Variants in RBFOX1 observed in about 807,000 individuals in gnomAD.
RBFOX1 encodes the protein RNA binding protein fox-1 homolog 1.
RBFOX1 carries 8 observed loss-of-function variants against 57.7 expected under a neutral mutation model. That is an observed-to-expected ratio of 0.14 (90% CI 0.08 to 0.25). The LOEUF (loss-of-function observed/expected upper bound fraction) is 0.25. Ranked by LOEUF, RBFOX1 falls within the 10% of genes least tolerant of loss-of-function variation. The probability of loss-of-function intolerance (pLI) is 1.00; values close to 1 mark genes in which losing one functional copy is unlikely to be tolerated. For missense variants in RBFOX1, 611 were observed against 548.5 expected, an observed-to-expected ratio of 1.11 and a Z score of -1.14; for synonymous variants, 326 against 222.4, an observed-to-expected ratio of 1.47 and a Z score of -4.15.
At chr16:7,394,427 CCT>C (rs956085999) in intron 4 of RBFOX1, among the ~76,000 whole-genome samples, 3 of 152,028 alleles carry the variant, frequency 2.0e-5, no homozygotes, top group African/African-American at 7.2e-5. Context: ...GCTTACCTCC[CCT>C]AATGGCCATA....
At chr16:5,990,757 C>G (rs916118871) in intron 4 of RBFOX1, among the ~76,000 whole-genome samples, 2 of 152,164 alleles carry the variant, frequency 1.3e-5, no homozygotes, top group African/African-American at 4.8e-5. Flanking sequence ...CGCTGGAGGT[C>G]AGGAGTTCAA....
intron 4 of RBFOX1, among the ~76,000 whole-genome samples, chr16:7,359,102 CTG>C (rs1178371859): frequency 6.6e-6 from 1 of 152,136 alleles, no homozygotes; most frequent in East Asian, 1.9e-4. Flanking sequence ...GTACAGAAAA[CTG>C]TGGGTGAGTT....
intron 3 of RBFOX1, among the ~76,000 whole-genome samples, chr16:6,660,148 T>C (rs1434897171): frequency 6.6e-6 from 1 of 150,762 alleles, no homozygotes; most frequent in African/African-American, 2.4e-5. Flanking sequence ...TGCTTGAACC[T>C]GGGAGGCAGA....
At chr16:7,340,471 A>C (rs994770217) in intron 4 of RBFOX1, among the ~76,000 whole-genome samples, 1 of 152,188 alleles carries the variant, frequency 6.6e-6, no homozygotes, top group Non-Finnish European at 1.5e-5. Flanking sequence ...TCTCCGTTGC[A>C]CTAATTACAG....
At chr16:6,408,429 A>C (rs934680143) in intron 2 of RBFOX1, among the ~76,000 whole-genome samples, 38 of 152,100 alleles carry the variant, frequency 2.5e-4, no homozygotes, top group African/African-American at 8.7e-4. Context: ...ATAGACTGAA[A>C]TTTTCATCAG....
At chr16:5,702,555 A>T (rs564871079) in intron 3 of RBFOX1, among the ~76,000 whole-genome samples, 1 of 152,346 alleles carries the variant, frequency 6.6e-6, no homozygotes, top group South Asian at 2.1e-4. Context: ...TTCCCCTAAT[A>T]GCCCTGGAGA....
chr16:6,537,750 T>C (rs988040978), intron 2 of RBFOX1, among the ~76,000 whole-genome samples: 2 of 152,192 alleles, frequency 1.3e-5, no homozygotes, highest in Non-Finnish European at 2.9e-5. Context: ...TAAGAGAAGA[T>C]AATGTGGTTC....
chr16:6,978,030 C>A (rs950021252), intron 3 of RBFOX1, among the ~76,000 whole-genome samples: 1 of 151,414 alleles, frequency 6.6e-6, no homozygotes, highest in Non-Finnish European at 1.5e-5. Flanking sequence ...TTTCTGGGTC[C>A]CCCAAGCCCC....
rs148639374 is a variant in RBFOX1 at position 5,868,698 on chromosome 16, G to A, written c.351+1363G>A. 3.9e-5 allele frequency among the ~76,000 whole-genome samples: 6 copies of A among 152,300 alleles called. No individual in the cohort carries two copies. In the East Asian group the frequency reaches 1.2e-3, roughly 29 times the overall value. ...AGGGATTTGGGAAGCACAAGGATAG[G>A]GCAGAGATGAGCAGCCCCCACTGTC... On this transcript the variant is annotated intron_variant, in intron 4 of 19. Transcript: ENST00000641259.
At chr16:7,456,336 A>G (rs190477505) in intron 4 of RBFOX1, among the ~76,000 whole-genome samples, 1 of 152,284 alleles carries the variant, frequency 6.6e-6, no homozygotes, top group Admixed American at 6.5e-5. Context: ...CTCATTGTGA[A>G]GTGAATCACC....
At chr16:6,894,869 C>G (rs1012037077) in intron 3 of RBFOX1, among the ~76,000 whole-genome samples, 5 of 152,132 alleles carry the variant, frequency 3.3e-5, no homozygotes, top group African/African-American at 1.2e-4. Context: ...CCACAGTTCT[C>G]AAATGGATGT....
chr16:5,486,677 A>T (rs1389566259), intron 2 of RBFOX1, among the ~76,000 whole-genome samples: 1 of 152,140 alleles, frequency 6.6e-6, no homozygotes, highest in African/African-American at 2.4e-5. Flanking sequence ...TGCCCTGTCT[A>T]TGTAGGAATG....
At chr16:6,778,930 T>TA (rs556400607) in intron 3 of RBFOX1, among the ~76,000 whole-genome samples, 1 of 152,060 alleles carries the variant, frequency 6.6e-6, no homozygotes, top group South Asian at 2.1e-4. Context: ...GACATTTTTA[T>TA]AAAAGCATAC....
chr16:7,012,714 C>T (rs921134032), intron 3 of RBFOX1, among the ~76,000 whole-genome samples: 29 of 152,158 alleles, frequency 1.9e-4, no homozygotes, highest in African/African-American at 6.5e-4. Context: ...GAGTGACTTG[C>T]TTTGTAATTG....
chr16:7,167,071 C>T (rs184520620), intron 4 of RBFOX1, among the ~76,000 whole-genome samples: 105 of 138,962 alleles, frequency 7.6e-4, no homozygotes, highest in Non-Finnish European at 1.0e-3. Flanking sequence ...CTGCAACCTC[C>T]GTCCCCTGGG....
At chr16:6,373,452 G>T (rs112113620) in intron 2 of RBFOX1, among the ~76,000 whole-genome samples, 1 of 150,894 alleles carries the variant, frequency 6.6e-6, no homozygotes, top group East Asian at 2.0e-4. Flanking sequence ...ATGGGAGGAT[G>T]GTTGGTTAGG....
chr16:7,327,084 A>C (rs1418606047), intron 4 of RBFOX1, among the ~76,000 whole-genome samples: 1 of 152,198 alleles, frequency 6.6e-6, no homozygotes, highest in African/African-American at 2.4e-5. Context: ...CACAATGCTG[A>C]AATGACTTTC....
At position 7,486,117 on chromosome 16, in the gene RBFOX1, CTTTTTTTTTTTT is replaced by C. The variant is rs61448458; in HGVS notation, c.28-32018_28-32007del. Among the ~76,000 whole-genome samples, 365 of 77,344 alleles carry C rather than the reference CTTTTTTTTTTTT, an allele frequency of 4.7e-3. 2 individuals are homozygous for C. Among genetic ancestry groups the C allele is most frequent in the African/African-American group, 0.017 (331 of 20,008 alleles). 50.7% of individuals were successfully genotyped at this position (77,344 alleles called of 152,430 possible). ...TCTGTGGGTATTTGTGTGTTTGTGT[CTTTTTTTTTTTT>C]TTTTTTTTTTTGAGATGGAGTCTTG... On this transcript the variant is annotated intron_variant, in intron 4 of 15. Coordinates refer to ENST00000550418, the MANE Select transcript of RBFOX1 (RefSeq NM_018723.4).
chr16:7,399,185 C>T (rs991078512), intron 4 of RBFOX1, among the ~76,000 whole-genome samples: 2 of 152,182 alleles, frequency 1.3e-5, no homozygotes, highest in Non-Finnish European at 1.5e-5. Flanking sequence ...CGGTAGCTCA[C>T]GCCTGTTATC....
Sources: allele counts gnomAD v4.1 joint callset (sites outside exome capture counted in the v4.1 genomes callset), GRCh38; gene constraint gnomAD v4.1.1; transcripts MANE v1.5; gene names NCBI Gene and HGNC (gene_info 2026-07-23, HGNC 2026-07-21).